Variants in CCSER1 observed in about 807,000 individuals in gnomAD.
CCSER1 encodes coiled-coil serine rich protein 1, also known as serine-rich coiled-coil domain-containing protein 1.
Under a neutral mutation model 82.0 loss-of-function variants are expected in CCSER1, and 41 were observed. The ratio of observed to expected loss-of-function variants is 0.50; its 90% confidence interval spans 0.39 to 0.65. The LOEUF (loss-of-function observed/expected upper bound fraction) is 0.65. Among genes scored for constraint, CCSER1 ranks in the 30% least tolerant of loss-of-function variants. CCSER1 has a pLI of 0.00. For missense variants in CCSER1, 1,119 were observed against 1,064.2 expected (o/e 1.05, Z -0.72); for synonymous variants, 414 against 383.9 (o/e 1.08, Z -0.92).
chr4:90,440,302 G>A (rs2153572182), intron 4 of CCSER1, among the ~76,000 whole-genome samples: 1 of 152,284 alleles, frequency 6.6e-6, no homozygotes, highest in East Asian at 1.9e-4. Flanking sequence ...ACTGCATCCA[G>A]TCCATAGGAA....
chr4:91,077,018 A>G (rs1473839433), intron 9 of CCSER1, among the ~76,000 whole-genome samples: 2 of 152,112 alleles, frequency 1.3e-5, no homozygotes, highest in African/African-American at 2.4e-5. Flanking sequence ...TTGAATAGCA[A>G]TCTACACATA....
chr4:90,704,618 A>C (rs1179500827), intron 6 of CCSER1, among the ~76,000 whole-genome samples: 1 of 152,048 alleles, frequency 6.6e-6, no homozygotes, highest in East Asian at 1.9e-4. Flanking sequence ...TACCAATCAG[A>C]CCTAGATTTG....
At chr4:90,734,282 C>A (rs898298051) in intron 7 of CCSER1, among the ~76,000 whole-genome samples, 1 of 151,832 alleles carries the variant, frequency 6.6e-6, no homozygotes, top group Non-Finnish European at 1.5e-5. Context: ...CCCACCACCA[C>A]GCCCGGCTAA....
chr4:91,079,771 A>G (rs1165421598), intron 9 of CCSER1, among the ~76,000 whole-genome samples: 1 of 152,170 alleles, frequency 6.6e-6, no homozygotes, highest in Non-Finnish European at 1.5e-5. Context: ...TTGCCGTCCT[A>G]GTCTCTGATA....
chr4:90,406,701 G>T (rs907587183), intron 4 of CCSER1, among the ~76,000 whole-genome samples: 1 of 152,042 alleles, frequency 6.6e-6, no homozygotes, highest in African/African-American at 2.4e-5. Flanking sequence ...ACTCCAAAAG[G>T]AATCTTCAAA....
intron 5 of CCSER1, among the ~76,000 whole-genome samples, chr4:90,485,691 T>C (rs901248336): frequency 6.6e-6 from 1 of 152,104 alleles, no homozygotes; most frequent in Non-Finnish European, 1.5e-5. Context: ...GATCCTTTCC[T>C]TTCTTCCACC....
intron 3 of CCSER1, among the ~76,000 whole-genome samples, chr4:90,357,906 T>A (rs1318122128): frequency 6.6e-6 from 1 of 152,000 alleles, no homozygotes; most frequent in Non-Finnish European, 1.5e-5. Flanking sequence ...CAAATGATAT[T>A]CAAAATATTA....
intron 1 of CCSER1, among the ~76,000 whole-genome samples, chr4:90,208,506 C>T (rs1001447154): frequency 2.6e-5 from 4 of 151,334 alleles, no homozygotes; most frequent in African/African-American, 9.7e-5. Context: ...TTTCCAGGGG[C>T]GTGAACGGTT....
intron 10 of CCSER1, among the ~76,000 whole-genome samples, chr4:91,163,029 G>C (rs183338730): frequency 1.7e-4 from 26 of 152,234 alleles, no homozygotes; most frequent in Non-Finnish European, 3.1e-4. Flanking sequence ...ATGTTAGGCT[G>C]TCAATTTTAC....
chr4:90,696,317 T>C (rs757256565), intron 6 of CCSER1, among the ~76,000 whole-genome samples: 1 of 152,148 alleles, frequency 6.6e-6, no homozygotes, highest in Non-Finnish European at 1.5e-5. Flanking sequence ...GTATTTGTCA[T>C]ATATGTATCA....
chr4:90,792,156 T>A (rs1196860617), intron 7 of CCSER1, among the ~76,000 whole-genome samples: 1 of 152,196 alleles, frequency 6.6e-6, no homozygotes, highest in East Asian at 1.9e-4. Context: ...TATCTGTAAT[T>A]CCTGCACAGC....
chr4:91,487,245 T>C (rs1758271583), intron 10 of CCSER1, among the ~76,000 whole-genome samples: 1 of 152,152 alleles, frequency 6.6e-6, no homozygotes, highest in Non-Finnish European at 1.5e-5. Flanking sequence ...CAACTTTTTT[T>C]GGTATTTTAC....
chr4:90,470,790 C>G (rs1035643457), intron 5 of CCSER1, among the ~76,000 whole-genome samples: 1 of 142,414 alleles, frequency 7.0e-6, no homozygotes, highest in African/African-American at 2.9e-5. Context: ...AACAAAACAC[C>G]CAGATTTGAG....
At position 91,594,358 on chromosome 4, in the gene CCSER1, CAT is replaced by C. The variant is rs528035200; in HGVS notation, c.2218-4206_2218-4205del. Among the ~76,000 whole-genome samples the C allele has an allele frequency of 2.1e-3, 302 of 146,946 alleles. 2 individuals carry two copies. The highest frequency in any genetic ancestry group is 6.3e-3 in the African/African-American group (252 of 40,240). Reference sequence around the variant, plus strand: ...ACACATATATATACATATATATACACATATATATACACATATATATACACACA... The same window carrying C: ...ACACATATATATACATATATATACACATATATACACATATATATACACACA... On this transcript the variant is annotated intron_variant, in intron 10 of 10. Coordinates refer to ENST00000509176, the MANE Select transcript of CCSER1 (RefSeq NM_001145065.2).
At chr4:90,894,527 G>A (rs1335603507) in intron 8 of CCSER1, among the ~76,000 whole-genome samples, 1 of 151,968 alleles carries the variant, frequency 6.6e-6, no homozygotes, top group Non-Finnish European at 1.5e-5. Context: ...TGTTTGTTCC[G>A]GGAAACATTG....
rs1348718599 is a variant in CCSER1, at chr4:90,312,797, G to C, written c.1325-66G>C. ...ACTAAGAGTTTTTCATGATCTTTCA[G>C]TGGGACATTTGTAAAAACTACATTT... On this transcript the variant is annotated intron_variant, in intron 2 of 10. Coordinates refer to ENST00000509176, the MANE Select transcript of CCSER1 (RefSeq NM_001145065.2). The C allele has an allele frequency of 4.9e-6, 6 of 1,230,810 alleles. No individual in the cohort carries two copies. In the African/African-American group the frequency reaches 6.1e-5, roughly 13 times the overall value. The allele number at this position is 1,230,810 out of a possible 1,614,324, so 76.2% of individuals were successfully genotyped here.
intron 1 of CCSER1, among the ~76,000 whole-genome samples, chr4:90,242,230 A>G (rs1304964000): frequency 1.3e-5 from 2 of 152,180 alleles, no homozygotes; most frequent in African/African-American, 4.8e-5. Flanking sequence ...TCATCTGAGC[A>G]TGGGAGACGG....
intron 10 of CCSER1, among the ~76,000 whole-genome samples, chr4:91,536,499 A>T (rs1010854449): frequency 6.6e-6 from 1 of 152,066 alleles, no homozygotes; most frequent in Non-Finnish European, 1.5e-5. Flanking sequence ...TTTGAATTAT[A>T]TTGACTGATA....
intron 9 of CCSER1, among the ~76,000 whole-genome samples, chr4:91,046,327 T>C (rs1028682197): frequency 6.7e-6 from 1 of 150,296 alleles, no homozygotes; most frequent in Non-Finnish European, 1.5e-5. Context: ...TTTTTCTATG[T>C]ATGTATAGTT....
Sources: gnomAD v4.1 joint callset for allele counts (sites outside exome capture counted in the v4.1 genomes callset) on GRCh38, gnomAD v4.1.1 for gene constraint, MANE v1.5 for transcripts, NCBI Gene and HGNC (gene_info 2026-07-23, HGNC 2026-07-21) for gene names.